The following ACACB variants were observed in gnomAD, a reference collection of about 807,000 sequenced individuals.
ACACB encodes acetyl-CoA carboxylase beta, also known as acetyl-CoA carboxylase 2.
A neutral mutation model predicts 278.8 loss-of-function variants in ACACB; 209 were observed. The ratio of observed to expected loss-of-function variants is 0.75; its 90% confidence interval spans 0.67 to 0.84. The LOEUF (loss-of-function observed/expected upper bound fraction) is 0.84, where lower values mean the gene tolerates loss of function less well. Among genes scored for constraint, ACACB ranks in the 40% least tolerant of loss-of-function variants. The probability of loss-of-function intolerance (pLI) is 0.00; values close to 1 mark genes in which losing one functional copy is unlikely to be tolerated. For missense variants in ACACB, 2,850 were observed against 3,269.0 expected, an observed-to-expected ratio of 0.87 and a Z score of 3.13; for synonymous variants, 1,174 against 1,285.6, an observed-to-expected ratio of 0.91 and a Z score of 1.86.
At chr12:109,172,016 C>T in intron 5 of ACACB, 102 bp downstream of exon 5, 1 of 950,654 alleles carries the variant, frequency 1.1e-6, no homozygotes, top group Non-Finnish European at 1.6e-6. Flanking sequence ...GGTCCAGATC[C>T]CACAAGGCTC....
chr12:109,220,718 A>AT (rs139579737), intron 24 of ACACB, among the ~76,000 whole-genome samples: 3 of 151,862 alleles, frequency 2.0e-5, no homozygotes, highest in Non-Finnish European at 2.9e-5. Flanking sequence ...CACCTGACTA[A>AT]TTTTTTTGTA....
intron 12 of ACACB, among the ~76,000 whole-genome samples, 167 bp from the exon 13 acceptor site, chr12:109,187,832 A>C (rs1460715476): frequency 6.6e-6 from 1 of 152,208 alleles, no homozygotes; most frequent in Non-Finnish European, 1.5e-5. Flanking sequence ...GGGTACACCC[A>C]TGAATAGATA....
intron 42 of ACACB, 192 bp downstream of exon 42, chr12:109,252,348 T>C: frequency 2.1e-6 from 1 of 466,630 alleles, no homozygotes. Flanking sequence ...TTTAGGCAAT[T>C]CTGGTCGATC....
At chr12:109,184,706 A>AT (rs201836386) in intron 11 of ACACB, among the ~76,000 whole-genome samples, 10,545 of 139,170 alleles carry the variant, frequency 0.076, 948 homozygotes, top group African/African-American at 0.21. Flanking sequence ...TGGCATTAAA[A>AT]TTTTTTTTTT....
chr12:109,166,832 C>T (rs763310968), intron 2 of ACACB, 29 bp from the exon 3 acceptor site: 229 of 1,613,720 alleles, frequency 1.4e-4, no homozygotes, highest in Non-Finnish European at 1.9e-4. Flanking sequence ...TTCCCTCATG[C>T]ACGTCTGTCC....
intron 5 of ACACB, 24 bp from the exon 6 acceptor site, chr12:109,172,251 G>C (rs1458771898): frequency 6.2e-7 from 1 of 1,610,804 alleles, no homozygotes; most frequent in Admixed American, 1.7e-5. Flanking sequence ...GAAGATTGTT[G>C]CTCACCCCTT....
chr12:109,171,184 T>C (rs1444675808), intron 4 of ACACB, among the ~76,000 whole-genome samples: 1 of 151,684 alleles, frequency 6.6e-6, no homozygotes, highest in Non-Finnish European at 1.5e-5. Context: ...AAAACAATAT[T>C]AAGATAAACT....
chr12:109,197,517 G>A (rs530905572), intron 17 of ACACB, among the ~76,000 whole-genome samples: 12 of 152,254 alleles, frequency 7.9e-5, no homozygotes, highest in South Asian at 4.2e-4. Flanking sequence ...AAGCTCCTCC[G>A]TACCAGGCGC....
chr12:109,264,352 C>T lies in ACACB; in HGVS notation c.6908C>T (p.Thr2303Ile), dbSNP rs2047457720. 2 of 1,614,104 alleles carry T rather than the reference C, an allele frequency of 1.2e-6. No individual in the cohort carries two copies. The highest frequency in any genetic ancestry group is 1.7e-5 in the Admixed American group (1 of 60,014). Residue 2303 changes from threonine to isoleucine, a missense_variant, in exon 50 of 53, where the codon ACA (threonine) becomes ATA (isoleucine). Thr to Ile is a moderately conservative substitution (Grantham distance 89). Transcript: ENST00000338432. ...GTGCAGTTCGCCGACTTCCATGACA[C>T]ACCCGGCCGGATGCTGGAGAAGGGC... ...VAVQFADFHD[T>I]PGRMLEKGVI...
At chr12:109,232,647 C>T in intron 28 of ACACB, 22 bp from the exon 29 acceptor site, 4 of 1,608,704 alleles carry the variant, frequency 2.5e-6, no homozygotes, top group Non-Finnish European at 3.4e-6. Flanking sequence ...TGCCTCATCC[C>T]CGACTTGCCA....
chr12:109,267,120 AT>A lies in ACACB; in HGVS notation c.*759del, dbSNP rs2047537428. ...GGTCTCAAACTCTTGACTTCAGGTA[AT>A]CCACCCACCTTGGCCTCCCAAAGTG... is the stretch of plus-strand genomic sequence containing the variant. On this transcript the variant is annotated 3_prime_UTR_variant, in exon 53 of 53. Coordinates refer to ENST00000338432, the MANE Select transcript of ACACB (RefSeq NM_001093.4). 1 of 152,064 alleles carries A rather than the reference AT, an allele frequency of 6.6e-6. No individual in the cohort carries two copies. The highest frequency in any genetic ancestry group is 1.5e-5 in the Non-Finnish European group (1 of 68,020). The allele number at this position is 152,064 out of a possible 1,614,324, so 9.4% of individuals were successfully genotyped here.
In ACACB at chr12:109,239,720, G is replaced by A. The variant is rs2046738860; in HGVS notation, c.4663-110G>A. 25 of 1,274,104 alleles carry A rather than the reference G, an allele frequency of 2.0e-5. 2 individuals are homozygous for A. In the South Asian group the frequency reaches 3.5e-4, roughly 18 times the overall value. The allele number at this position is 1,274,104 out of a possible 1,614,324, so 78.9% of individuals were successfully genotyped here. On this transcript the variant is annotated intron_variant, in intron 34 of 52. Transcript: ENST00000338432. ...TTCTTGCCTGGCACACTTTTTGGAG[G>A]AGGGGAATGTTTTCCTCCTGTCTCT...
chr12:109,148,301 T>C (rs760871986), intron 2 of ACACB, among the ~76,000 whole-genome samples: 1 of 152,242 alleles, frequency 6.6e-6, no homozygotes, highest in Non-Finnish European at 1.5e-5. Flanking sequence ...TTCTGTGTGA[T>C]CCCATTTTGT....
intron 2 of ACACB, among the ~76,000 whole-genome samples, 183 bp from the exon 3 acceptor site, chr12:109,166,678 C>CCA (rs2043915456): frequency 4.4e-5 from 3 of 68,170 alleles, no homozygotes; most frequent in South Asian, 1.1e-3. Flanking sequence ...AAAAAAAAAA[C>CCA]CGAAGGTGCT....
Position 109,222,899 on chromosome 12 carries a change from C to A in ACACB, c.3779C>A (p.Pro1260His). The change falls in exon 26 of 53, where the codon CCC becomes CAC. Residue 1260 changes from proline (P) to histidine (H), a missense_variant. By Grantham distance (77) the Pro-to-His change is moderately conservative (BLOSUM62 -2). Around this residue, in one of 3 missense-constraint regions of ACACB, gnomAD observed 2,265 missense variants for 2,561.3 expected, o/e 0.88. Transcript: ENST00000338432. ...GACATGTACGGCCACCAGTTCTGCCCCGAGAACCTCAAGGTGAGCCCGTCT... is the reference window on the plus strand; with the variant it reads ...GACATGTACGGCCACCAGTTCTGCCACGAGAACCTCAAGGTGAGCCCGTCT... ...AIDMYGHQFC[P>H]ENLKKLILSE... The A allele has an allele frequency of 6.2e-7, 1 of 1,609,960 alleles. No homozygotes were observed. Among genetic ancestry groups the A allele is most frequent in the East Asian group, 2.2e-5 (1 of 44,656 alleles).
Position 109,191,941 on chromosome 12 carries a change from C to T in ACACB, c.2390C>T (p.Ser797Phe). 6.2e-7 allele frequency: 1 copy of T among 1,614,154 alleles called. No homozygotes were observed. Among genetic ancestry groups the T allele is most frequent in the Non-Finnish European group, 8.5e-7 (1 of 1,180,024 alleles). ...ACGTGCATGACAGATTTCTTACACT[C>T]CCTGGAAAGGTAGGGGCTGTGGCAG... ...FRTCMTDFLH[S>F]LERGQVLPAD... The change falls in exon 15 of 53, where the codon TCC (serine) becomes TTC (phenylalanine). Residue 797 changes from serine to phenylalanine, a missense_variant. Around this residue, in one of 3 missense-constraint regions of ACACB, gnomAD observed 2,265 missense variants for 2,561.3 expected, o/e 0.88. Transcript: ENST00000338432.
rs199967038 is a variant in ACACB at position 109,264,276 on chromosome 12, C to T, written c.6832C>T (p.Arg2278Trp). The T allele has an allele frequency of 1.4e-5, 23 of 1,614,154 alleles. No individual in the cohort carries two copies. The highest frequency in any genetic ancestry group is 4.5e-5 in the East Asian group (2 of 44,880). ...CAAGGACCGAAAGGACCTGGAGGGC[C>T]GGCTAAAGGCTCGCGAGGACCTGCT... ...SDKDRKDLEG[R>W]LKAREDLLLP... The change falls in exon 50 of 53, where the codon CGG becomes TGG. Residue 2278 changes from arginine (R) to tryptophan (W), a missense_variant. Arg to Trp is a moderately radical substitution (Grantham distance 101, BLOSUM62 -3). Transcript: ENST00000338432.
In ACACB at chr12:109,201,588, C is replaced by G. The variant is rs751276030; in HGVS notation, c.2800C>G (p.Leu934Val). The G allele has an allele frequency of 2.5e-6, 4 of 1,614,042 alleles. No homozygotes were observed. The East Asian group carries it at 8.9e-5, about 36-fold the overall frequency. ...EMEVMKMIMT[L>V]NVQERGRVKY... Reference sequence around the variant, plus strand: ...ATAGGTGATGAAGATGATCATGACCCTGAACGTTCAGGAAAGAGGCCGGGT... The same window carrying G: ...ATAGGTGATGAAGATGATCATGACCGTGAACGTTCAGGAAAGAGGCCGGGT... The change falls in exon 19 of 53, where the codon CTG becomes GTG. Residue 934 changes from leucine (L) to valine (V), a missense_variant. Physicochemically the swap from Leu to Val is conservative, Grantham distance 32 (BLOSUM62 1). This residue lies in a region of ACACB where 2,265 missense variants were observed against 2,561.3 expected (regional missense o/e 0.88). Transcript: ENST00000338432.
chr12:109,233,788 A>T lies in ACACB; in HGVS notation c.4180A>T (p.Lys1394Ter). The change falls in exon 30 of 53, where the codon AAA becomes TAA. Residue 1394 changes from lysine (K) to a stop codon, truncating the protein, a stop_gained. Coordinates refer to ENST00000338432, the MANE Select transcript of ACACB (RefSeq NM_001093.4). LOFTEE classifies it high-confidence loss of function. The part of the protein sequence containing the change: ...EVISCFANVP[K>*]DTPLFSEART... ...CATCTCTTGCTTCGCCAACGTGCCC[A>T]AAGACACCCCCCTCTTCAGCGAGGC... The T allele has an allele frequency of 6.2e-7, 1 of 1,614,112 alleles. No individual in the cohort carries two copies. The highest frequency in any genetic ancestry group is 8.5e-7 in the Non-Finnish European group (1 of 1,180,016).
Sources: gnomAD v4.1 joint callset for allele counts (sites outside exome capture counted in the v4.1 genomes callset) on GRCh38, gnomAD v4.1.1 for gene constraint, gnomAD v4.1.1 regional missense constraint, MANE v1.5 for transcripts, NCBI Gene and HGNC (gene_info 2026-07-23, HGNC 2026-07-21) for gene names.